The following ANKMY1 variants were observed in gnomAD, a reference collection of about 807,000 sequenced individuals.
ANKMY1 encodes ankyrin repeat and MYND domain containing 1, also known as ankyrin repeat and MYND domain-containing protein 1.
A neutral mutation model predicts 102.0 loss-of-function variants in ANKMY1; 98 were observed. The observed-to-expected ratio is 0.96, with a 90% CI of 0.82 to 1.14. The LOEUF (loss-of-function observed/expected upper bound fraction) is 1.14, where lower values mean the gene tolerates loss of function less well. Ranked by LOEUF, ANKMY1 falls within the 50% of genes most tolerant of loss-of-function variation. The probability of loss-of-function intolerance (pLI) is 0.00; values close to 1 mark genes in which losing one functional copy is unlikely to be tolerated. For missense variants in ANKMY1, 1,330 were observed against 1,347.6 expected (o/e 0.99, Z 0.20); for synonymous variants, 582 against 559.9 (o/e 1.04, Z -0.56).
intron 15 of ANKMY1, among the ~76,000 whole-genome samples, chr2:240,488,794 C>T (rs2076329540): frequency 6.6e-6 from 1 of 152,116 alleles, no homozygotes; most frequent in Non-Finnish European, 1.5e-5. Context: ...ATAAATGCTA[C>T]TGATTTTCTT....
At chr2:240,523,709 C>T in intron 8 of ANKMY1, 176 bp downstream of exon 8, 1 of 1,089,734 alleles carries the variant, frequency 9.2e-7, no homozygotes, top group Non-Finnish European at 1.3e-6. Flanking sequence ...ACCGTGGCAC[C>T]CCCACAGGGC....
At chr2:240,552,761 C>T in intron 4 of ANKMY1, 153 bp downstream of exon 4, 1 of 1,223,834 alleles carries the variant, frequency 8.2e-7, no homozygotes, top group Non-Finnish European at 1.2e-6. Context: ...CAGTCTATAT[C>T]CTTATTATTG....
chr2:240,559,102 C>G (rs1194203479), upstream of ANKMY1, among the ~76,000 whole-genome samples: 1 of 152,140 alleles, frequency 6.6e-6, no homozygotes, highest in Non-Finnish European at 1.5e-5. Flanking sequence ...GGACTAGCAC[C>G]AAGTCCAGGA....
chr2:240,546,702 G>T (rs2090453991), intron 4 of ANKMY1, among the ~76,000 whole-genome samples: 2 of 152,084 alleles, frequency 1.3e-5, no homozygotes, highest in South Asian at 4.1e-4. Context: ...AAAGGCAGGG[G>T]TTGCAATACT....
chr2:240,546,530 T>G (rs1165081281), intron 4 of ANKMY1, among the ~76,000 whole-genome samples: 2 of 152,084 alleles, frequency 1.3e-5, no homozygotes, highest in South Asian at 4.1e-4. Context: ...TAAATGTAAA[T>G]GGACTAAATG....
intron 4 of ANKMY1, among the ~76,000 whole-genome samples, chr2:240,549,603 A>G (rs1264501743): frequency 2.6e-5 from 4 of 152,168 alleles, no homozygotes; most frequent in African/African-American, 4.8e-5. Flanking sequence ...GAAAATTTTC[A>G]CAACCTACTC....
At chr2:240,519,124 T>C (rs2081680733) in intron 9 of ANKMY1, among the ~76,000 whole-genome samples, 1 of 152,334 alleles carries the variant, frequency 6.6e-6, no homozygotes, top group East Asian at 1.9e-4. Context: ...AAGCCCATCA[T>C]GGGTCTGCAT....
chr2:240,544,941 C>T (rs1264743589), intron 4 of ANKMY1, among the ~76,000 whole-genome samples: 6 of 152,144 alleles, frequency 3.9e-5, no homozygotes, highest in Non-Finnish European at 8.8e-5. Flanking sequence ...GAGGGGCGCC[C>T]GCCATTGCCC....
At chr2:240,514,979 C>T (rs1559296344) in intron 9 of ANKMY1, among the ~76,000 whole-genome samples, 1 of 152,190 alleles carries the variant, frequency 6.6e-6, no homozygotes, top group African/African-American at 2.4e-5. Context: ...GGTCTTCAGA[C>T]CTGGGAGAAG....
chr2:240,516,334 G>C (rs1327633434), intron 9 of ANKMY1, among the ~76,000 whole-genome samples: 1 of 152,022 alleles, frequency 6.6e-6, no homozygotes, highest in Non-Finnish European at 1.5e-5. Context: ...GGGGGGTATT[G>C]GGTCCCTAAA....
chr2:240,526,663 A>G (rs2083488982), intron 5 of ANKMY1: 9 of 1,430,710 alleles, frequency 6.3e-6, no homozygotes, highest in Non-Finnish European at 7.3e-6. Flanking sequence ...CTGGAGGTCA[A>G]GATGCTTGGG....
upstream of ANKMY1, chr2:240,560,298 A>G (rs2125395766): frequency 5.9e-6 from 1 of 168,500 alleles, no homozygotes; most frequent in Admixed American, 6.4e-5. Context: ...GGCCCGGCCA[A>G]GCCACGCCTC....
chr2:240,482,308 G>A (rs1256614167), intron 15 of ANKMY1, 47 bp from the exon 16 acceptor site: 1 of 1,552,454 alleles, frequency 6.4e-7, no homozygotes, highest in Admixed American at 1.8e-5. Flanking sequence ...GCAGGGTGGG[G>A]GCCACCACTG....
chr2:240,531,383 T>C (rs1260442019), intron 4 of ANKMY1, among the ~76,000 whole-genome samples: 1 of 152,234 alleles, frequency 6.6e-6, no homozygotes, highest in Non-Finnish European at 1.5e-5. Context: ...AACCCCACTC[T>C]TGGGTATTTA....
chr2:240,492,377 C>T (rs979818143), intron 15 of ANKMY1, among the ~76,000 whole-genome samples: 1 of 152,124 alleles, frequency 6.6e-6, no homozygotes, highest in South Asian at 2.1e-4. Context: ...TTTATGTTGT[C>T]GTAAATATCA....
chr2:240,541,502 CTTTTT>C (rs556472606), intron 4 of ANKMY1, among the ~76,000 whole-genome samples: 1 of 125,538 alleles, frequency 8.0e-6, no homozygotes, highest in Non-Finnish European at 1.7e-5. Context: ...TATGTTGTTG[CTTTTT>C]TTTTTTTTTT....
chr2:240,557,841 C>T (rs2092564877), intron 1 of ANKMY1, 40 bp downstream of exon 1: 1 of 980,456 alleles, frequency 1.0e-6, no homozygotes, highest in East Asian at 1.1e-4. Context: ...CCGGGATCCC[C>T]CTAGCCCCGG....
rs752512174 is a variant in ANKMY1, at chr2:240,557,344, T to C, written c.-9A>G. On this transcript the variant is annotated 5_prime_UTR_variant, in exon 2 of 18. Coordinates refer to ENST00000401804, the MANE Select transcript of ANKMY1 (RefSeq NM_001282771.3). The stretch of plus-strand genomic sequence containing the variant: ...GCATGGGCCCCTTCCATGTCTGTGG[T>C]CTTCCAACCTGCAAGCGACGTCAGG... 6.6e-7 allele frequency: 1 copy of C among 1,522,648 alleles called. No individual in the cohort carries two copies. The highest frequency in any genetic ancestry group is 8.9e-7 in the Non-Finnish European group (1 of 1,128,792). 94.3% of individuals were successfully genotyped at this position (1,522,648 alleles called of 1,614,324 possible).
chr2:240,559,081 T>G (rs993005990), upstream of ANKMY1, among the ~76,000 whole-genome samples: 1 of 152,222 alleles, frequency 6.6e-6, no homozygotes, highest in African/African-American at 2.4e-5. Flanking sequence ...ACATTCTGGT[T>G]ACACTGTGGG....
Sources: gnomAD v4.1 joint callset for allele counts (sites outside exome capture counted in the v4.1 genomes callset) on GRCh38, gnomAD v4.1.1 for gene constraint, MANE v1.5 for transcripts, NCBI Gene and HGNC (gene_info 2026-07-23, HGNC 2026-07-21) for gene names.